ESR1: variants seen among roughly 807,000 people sequenced by gnomAD.
The protein encoded by ESR1 is estrogen receptor 1.
A neutral mutation model predicts 52.7 loss-of-function variants in ESR1; 12 were observed. That is an observed-to-expected ratio of 0.23 (90% CI 0.15 to 0.37). The LOEUF (loss-of-function observed/expected upper bound fraction) is 0.37, where lower values mean the gene tolerates loss of function less well. ESR1 is among the 10% of genes least tolerant of loss of function. The pLI is 1.00. For synonymous variants in ESR1, 305 were observed against 316.8 expected (o/e 0.96, Z 0.39); for missense variants, 584 against 779.7 (o/e 0.75, Z 2.99).
intron 2 of ESR1, among the ~76,000 whole-genome samples, chr6:151,724,210 A>G (rs1781674932): frequency 6.6e-6 from 1 of 152,126 alleles, no homozygotes; most frequent in Admixed American, 6.5e-5. Context: ...AAAAGGAGCA[A>G]TTAGATCCAC....
intron 2 of ESR1, among the ~76,000 whole-genome samples, chr6:151,783,440 A>T (rs76646995): frequency 0.081 from 12,296 of 152,306 alleles, 624 homozygotes; most frequent in Non-Finnish European, 0.086. Context: ...TCATAAGCCC[A>T]GGTATAGACG....
chr6:152,039,990 C>G (rs566488470), intron 5 of ESR1, among the ~76,000 whole-genome samples: 98 of 152,106 alleles, frequency 6.4e-4, no homozygotes, highest in Non-Finnish European at 1.1e-3. Context: ...GTAGTCTTGG[C>G]AGAAGCATTG....
At chr6:152,021,353 C>T (rs1242567744) in intron 5 of ESR1, among the ~76,000 whole-genome samples, 1 of 152,090 alleles carries the variant, frequency 6.6e-6, no homozygotes, top group African/African-American at 2.4e-5. Flanking sequence ...AGCTTGCAGA[C>T]AGTCTATTGT....
At chr6:152,112,101 G>A (rs987667365) in intron 6 of ESR1, among the ~76,000 whole-genome samples, 3 of 152,190 alleles carry the variant, frequency 2.0e-5, no homozygotes, top group Non-Finnish European at 4.4e-5. Context: ...ACTTGGCAAT[G>A]TTGGTACCCA....
chr6:151,937,519 G>A (rs1342424956), intron 3 of ESR1, among the ~76,000 whole-genome samples: 1 of 152,188 alleles, frequency 6.6e-6, no homozygotes, highest in African/African-American at 2.4e-5. Context: ...TATGAACTAG[G>A]AGGGAGGCTT....
At chr6:151,994,120 C>T (rs954204586) in intron 4 of ESR1, among the ~76,000 whole-genome samples, 3 of 152,084 alleles carry the variant, frequency 2.0e-5, no homozygotes, top group African/African-American at 7.2e-5. Flanking sequence ...AAATAAGTTG[C>T]CCAAGGTCAC....
At chr6:152,065,436 G>A (rs1310103266) in intron 6 of ESR1, among the ~76,000 whole-genome samples, 5 of 152,024 alleles carry the variant, frequency 3.3e-5, no homozygotes, top group African/African-American at 4.8e-5. Flanking sequence ...GTTCCTCAAG[G>A]CTCAGAAAAA....
intron 2 of ESR1, among the ~76,000 whole-genome samples, chr6:151,727,050 A>G (rs1257654753): frequency 6.6e-6 from 1 of 152,212 alleles, no homozygotes; most frequent in East Asian, 1.9e-4. Context: ...AACAGCAATT[A>G]AAAAAATGAA....
At chr6:151,940,563 G>C (rs1339004942) in intron 3 of ESR1, among the ~76,000 whole-genome samples, 1 of 152,076 alleles carries the variant, frequency 6.6e-6, no homozygotes, top group African/African-American at 2.4e-5. Context: ...TCTTTACATA[G>C]TACTACAACT....
In ESR1 at chr6:151,716,021, T is replaced by G. The variant is rs1169507086; in HGVS notation, c.-71+14016T>G. On this transcript the variant is annotated intron_variant, in intron 2 of 2. Coordinates refer to the ESR1 transcript ENST00000404742. ...TGGTGACCTTTGGATGGGGTTTCTG[T>G]GTGGATGTCCTTTTTGTTGATATTA... Among the ~76,000 whole-genome samples, 5 of 152,222 alleles carry G rather than the reference T, an allele frequency of 3.3e-5. No individual in the cohort carries two copies. In the East Asian group the frequency reaches 7.7e-4, roughly 23 times the overall value.
rs759726524 is a variant in ESR1, at chr6:152,094,364, A to ACT, written c.1370-12_1370-11dup. ...CATCCTCTTTGAGCTTCTCTCTCTC[A>ACT]CTCTCTCTCTGCGCATTCAGGAGTG... On this transcript the variant is annotated intron_variant, in intron 6 of 7. Transcript: ENST00000206249. This position sits in a 1 kb window ranked among gnomAD's most constrained non-coding sequence, Gnocchi z 4.6. The ACT allele has an allele frequency of 2.5e-6, 4 of 1,608,530 alleles. No individual in the cohort carries two copies. The highest frequency in any genetic ancestry group is 1.7e-4 in the Middle Eastern group (1 of 6,050).
chr6:151,740,817 C>T (rs1783042565), intron 2 of ESR1, among the ~76,000 whole-genome samples: 1 of 152,126 alleles, frequency 6.6e-6, no homozygotes, highest in Non-Finnish European at 1.5e-5. Flanking sequence ...AGCATTTCTA[C>T]CTCTTCTCCT....
intron 2 of ESR1, among the ~76,000 whole-genome samples, chr6:151,849,994 A>ATATATAATTT (rs1554268085): frequency 5.2e-4 from 55 of 105,052 alleles, no homozygotes; most frequent in Non-Finnish European, 7.1e-4. Flanking sequence ...ATATATATAT[A>ATATATAATTT]TATATATATA....
In ESR1 at chr6:152,100,412, TC is replaced by T; in HGVS notation, c.*1451del. ...TGGGGAAGAAAATCCTCCCCCTTCC[TC>T]CCCCGCCCCGTTCCCTACCGCCTCC... On this transcript the variant is annotated 3_prime_UTR_variant, in exon 8 of 8. Coordinates refer to ENST00000206249, the MANE Select transcript of ESR1 (RefSeq NM_000125.4). 3.7e-6 allele frequency: 1 copy of T among 273,186 alleles called. No individual in the cohort carries two copies. Among genetic ancestry groups the T allele is most frequent in the African/African-American group, 2.2e-5 (1 of 46,160 alleles). The allele number at this position is 273,186 out of a possible 1,614,324, so 16.9% of individuals were successfully genotyped here. A position where few individuals can be genotyped will look rare whatever the true frequency, so the allele number is the denominator to read the frequency against.
intron 6 of ESR1, among the ~76,000 whole-genome samples, chr6:152,062,167 C>G (rs1411023617): frequency 6.6e-6 from 1 of 152,144 alleles, no homozygotes; most frequent in African/African-American, 2.4e-5. Flanking sequence ...GTGTTTTTGT[C>G]TCTTTCTGAT....
At chr6:151,838,573 C>T (rs149505440) in intron 1 of ESR1, among the ~76,000 whole-genome samples, 179 of 152,296 alleles carry the variant, frequency 1.2e-3, no homozygotes, top group African/African-American at 4.1e-3. Flanking sequence ...GGATACTCAA[C>T]GTGAACATTA....
At chr6:151,790,172 G>A (rs1787393833) in intron 2 of ESR1, among the ~76,000 whole-genome samples, 1 of 152,310 alleles carries the variant, frequency 6.6e-6, no homozygotes, top group Admixed American at 6.5e-5. Flanking sequence ...GTCCCTGTGG[G>A]TAGCCCACTT....
At chr6:151,928,613 T>C (rs189473245) in intron 3 of ESR1, among the ~76,000 whole-genome samples, 161 of 152,050 alleles carry the variant, frequency 1.1e-3, no homozygotes, top group Non-Finnish European at 1.7e-3. Flanking sequence ...GCTTATCTAG[T>C]TTTTTTCTTC....
At chr6:152,045,779 A>C (rs1405524455) in intron 5 of ESR1, among the ~76,000 whole-genome samples, 1 of 152,208 alleles carries the variant, frequency 6.6e-6, no homozygotes, top group Non-Finnish European at 1.5e-5. Flanking sequence ...GAAATGAAGA[A>C]AAGAATAACA....
Sources: allele counts gnomAD v4.1 joint callset (sites outside exome capture counted in the v4.1 genomes callset), GRCh38; gene constraint gnomAD v4.1.1; non-coding constraint Gnocchi (gnomAD v3.1); transcripts MANE v1.5; gene names NCBI Gene and HGNC (gene_info 2026-07-23, HGNC 2026-07-21).